RB1: variants seen among roughly 807,000 people sequenced by gnomAD.
The protein encoded by RB1 is retinoblastoma-associated protein.
In RB1, 18 loss-of-function variants were observed where a neutral mutation model predicts 135.4. That is an observed-to-expected ratio of 0.13 (90% confidence interval 0.09 to 0.20). RB1 has a LOEUF of 0.20. Among genes scored for constraint, RB1 ranks in the 10% least tolerant of loss-of-function variants. RB1 has a pLI of 1.00. For synonymous variants in RB1, 365 were observed against 373.2 expected, an observed-to-expected ratio of 0.98 and a Z score of 0.25; for missense variants, 868 against 1,110.0, an observed-to-expected ratio of 0.78 and a Z score of 3.10.
At chr13:48,476,632 A>G in intron 24 of RB1, 69 bp from the exon 25 acceptor site, 1 of 1,526,614 alleles carries the variant, frequency 6.6e-7, no homozygotes, top group Non-Finnish European at 9.0e-7. Flanking sequence ...CTCAAACTAT[A>G]ACTTGAGGTT....
At chr13:48,422,017 G>A (rs139547958) in intron 17 of RB1, among the ~76,000 whole-genome samples, 23 of 152,220 alleles carry the variant, frequency 1.5e-4, no homozygotes, top group East Asian at 1.9e-4. Context: ...CCATTACTGG[G>A]TATATACCCA....
intron 17 of RB1, among the ~76,000 whole-genome samples, chr13:48,394,862 G>A (rs897440000): frequency 6.6e-5 from 10 of 152,240 alleles, no homozygotes; most frequent in Non-Finnish European, 1.3e-4. Context: ...TCTGAAGAGA[G>A]CAGCAGATCT....
rs1253132667 is a variant in RB1 at position 48,460,343 on chromosome 13, T to C, written c.2106+510T>C. 3.3e-5 allele frequency among the ~76,000 whole-genome samples: 5 copies of C among 152,266 alleles called. No individual in the cohort carries two copies. In the East Asian group the frequency reaches 9.7e-4, roughly 29 times the overall value. ...ATCAATTTATTAGACTTAATATATG[T>C]TCACTTTTTGGCTACCATTTACATT... On this transcript the variant is annotated intron_variant, in intron 20 of 26. Coordinates refer to ENST00000267163, the MANE Select transcript of RB1 (RefSeq NM_000321.3).
intron 5 of RB1, among the ~76,000 whole-genome samples, chr13:48,348,594 T>C (rs4151476): frequency 0.14 from 21,585 of 151,558 alleles, 4,187 homozygotes; most frequent in African/African-American, 0.44. Flanking sequence ...CATACTATGT[T>C]TTTTATATAT....
intron 2 of RB1, among the ~76,000 whole-genome samples, chr13:48,315,195 G>A (rs796912897): frequency 2.8e-4 from 42 of 152,190 alleles, no homozygotes; most frequent in African/African-American, 9.4e-4. Flanking sequence ...CCATTTGTTC[G>A]TGTCATCTCT....
chr13:48,324,807 C>T (rs983153484), intron 2 of RB1, among the ~76,000 whole-genome samples: 6 of 150,566 alleles, frequency 4.0e-5, no homozygotes, highest in African/African-American at 1.5e-4. Flanking sequence ...TATAGTGGCT[C>T]TACTAATTTA....
intron 2 of RB1, among the ~76,000 whole-genome samples, chr13:48,323,737 G>T (rs1341137281): frequency 1.3e-5 from 2 of 152,006 alleles, no homozygotes; most frequent in Non-Finnish European, 1.5e-5. Flanking sequence ...ACTACAGCGT[G>T]TTTTCTTCTT....
intron 17 of RB1, among the ~76,000 whole-genome samples, chr13:48,392,999 T>C (rs765237649): frequency 3.3e-5 from 5 of 152,208 alleles, no homozygotes; most frequent in Non-Finnish European, 5.9e-5. Context: ...CAGTCTTTAA[T>C]CAATAGCCGA....
At chr13:48,313,971 G>T (rs181974466) in intron 2 of RB1, among the ~76,000 whole-genome samples, 8 of 152,006 alleles carry the variant, frequency 5.3e-5, no homozygotes, top group Admixed American at 2.0e-4. Context: ...GGATGGTCTC[G>T]ATCTCCTGAC....
intron 17 of RB1, chr13:48,412,312 C>T: frequency 6.2e-7 from 1 of 1,613,072 alleles, no homozygotes; most frequent in Non-Finnish European, 8.5e-7. Flanking sequence ...ATGTATATGG[C>T]AACACAATTG....
At chr13:48,449,006 A>T (rs1287032568) in intron 17 of RB1, among the ~76,000 whole-genome samples, 1 of 151,906 alleles carries the variant, frequency 6.6e-6, no homozygotes, top group Non-Finnish European at 1.5e-5. Flanking sequence ...GCTTTTTTTT[A>T]TTGAGTGAAT....
intron 2 of RB1, among the ~76,000 whole-genome samples, chr13:48,311,946 T>C (rs540311708): frequency 8.5e-5 from 13 of 152,324 alleles, no homozygotes; most frequent in Non-Finnish European, 1.6e-4. Flanking sequence ...CCTCATGATC[T>C]GCCCTCGGCC....
At chr13:48,363,660 C>A (rs1200705038) in intron 8 of RB1, among the ~76,000 whole-genome samples, 1 of 152,082 alleles carries the variant, frequency 6.6e-6, no homozygotes, top group Non-Finnish European at 1.5e-5. Context: ...TCTGTTTGGC[C>A]TTCTATAATT....
intron 17 of RB1, chr13:48,413,081 A>T (rs1160922205): frequency 6.0e-6 from 1 of 167,180 alleles, no homozygotes; most frequent in Non-Finnish European, 1.5e-5. Flanking sequence ...CCTTTTCCTC[A>T]GTTGCCAGTT....
At chr13:48,386,529 A>G (rs956451166) in intron 17 of RB1, among the ~76,000 whole-genome samples, 3 of 152,220 alleles carry the variant, frequency 2.0e-5, no homozygotes, top group Non-Finnish European at 4.4e-5. Flanking sequence ...TTCGTGAAAC[A>G]CATGTGTTAC....
At chr13:48,457,920 G>A (rs1029490432) in intron 19 of RB1, among the ~76,000 whole-genome samples, 5 of 152,192 alleles carry the variant, frequency 3.3e-5, no homozygotes, top group African/African-American at 1.2e-4. Flanking sequence ...GCCTTCCCCG[G>A]CCCCCAAGTA....
chr13:48,349,807 C>G (rs1404560501), intron 6 of RB1, among the ~76,000 whole-genome samples: 2 of 151,930 alleles, frequency 1.3e-5, no homozygotes, highest in African/African-American at 4.8e-5. Context: ...CACACTTTGC[C>G]TATAAAGACA....
chr13:48,367,509 A>G lies in RB1; in HGVS notation c.955A>G (p.Lys319Glu). 1.2e-6 allele frequency: 2 copies of G among 1,603,948 alleles called. No homozygotes were observed. The highest frequency in any genetic ancestry group is 1.7e-6 in the Non-Finnish European group (2 of 1,174,060). Reference sequence around the variant, plus strand: ...TTCTTTCAAGGTTGAAAATCTTTCTAAACGATACGAAGAAATTTATCTTAA... The same window carrying G: ...TTCTTTCAAGGTTGAAAATCTTTCTGAACGATACGAAGAAATTTATCTTAA... ...NGLPEVENLS[K>E]RYEEIYLKNK... Residue 319 changes from lysine to glutamate, a missense_variant, in exon 10 of 27, where the codon AAA becomes GAA. Physicochemically the swap from Lys to Glu is moderately conservative, Grantham distance 56. This residue lies in a region of RB1 where 641 missense variants were observed against 791.3 expected (regional missense o/e 0.81). Coordinates refer to ENST00000267163, the MANE Select transcript of RB1 (RefSeq NM_000321.3).
At chr13:48,447,193 G>A (rs1566231077) in intron 17 of RB1, among the ~76,000 whole-genome samples, 1 of 152,216 alleles carries the variant, frequency 6.6e-6, no homozygotes, top group Admixed American at 6.5e-5. Flanking sequence ...CTGGATACAA[G>A]GAGTGATTTA....
Sources: gnomAD v4.1 joint callset for allele counts (sites outside exome capture counted in the v4.1 genomes callset) on GRCh38, gnomAD v4.1.1 for gene constraint, gnomAD v4.1.1 regional missense constraint, MANE v1.5 for transcripts, NCBI Gene and HGNC (gene_info 2026-07-23, HGNC 2026-07-21) for gene names.